Variants in FGF14 observed in about 807,000 individuals in gnomAD.
FGF14 encodes fibroblast growth factor homologous factor 4.
Under a neutral mutation model 25.5 loss-of-function variants are expected in FGF14, and 5 were observed. That is an observed-to-expected ratio of 0.20 (90% confidence interval 0.10 to 0.41). FGF14 has a LOEUF of 0.41. Ranked by LOEUF, FGF14 falls within the 10% of genes least tolerant of loss-of-function variation. The pLI is 1.00. For missense variants in FGF14, 222 were observed against 320.1 expected (o/e 0.69, Z 2.34); for synonymous variants, 138 against 118.3 (o/e 1.17, Z -1.08).
intron 3 of FGF14, among the ~76,000 whole-genome samples, chr13:101,803,018 C>T (rs2040974406): frequency 6.6e-6 from 1 of 151,876 alleles, no homozygotes; most frequent in Non-Finnish European, 1.5e-5. Flanking sequence ...TGTCTTGTTT[C>T]TGTATATAGT....
intron 1 of FGF14, among the ~76,000 whole-genome samples, chr13:102,305,599 TAAATAC>T (rs960034853): frequency 1.5e-4 from 23 of 152,298 alleles, no homozygotes; most frequent in Admixed American, 7.8e-4. Flanking sequence ...CTTCCTTATA[TAAATAC>T]AAGTTTGCTA....
At chr13:102,367,121 TC>T (rs1401620454) in intron 1 of FGF14, 2 of 152,232 alleles carry the variant, frequency 1.3e-5, no homozygotes, top group African/African-American at 2.4e-5. Context: ...ATTTATCATT[TC>T]ACACAATTTC....
At chr13:101,999,864 T>G (rs1386936829) in intron 1 of FGF14, among the ~76,000 whole-genome samples, 1 of 152,184 alleles carries the variant, frequency 6.6e-6, no homozygotes, top group Non-Finnish European at 1.5e-5. Context: ...TCTTCTCTAT[T>G]TCTGCCACTA....
intron 3 of FGF14, among the ~76,000 whole-genome samples, chr13:101,783,409 G>A (rs1048597577): frequency 2.6e-5 from 4 of 151,486 alleles, no homozygotes; most frequent in African/African-American, 4.9e-5. Flanking sequence ...GGCGGAGATT[G>A]CAGTGAGCTG....
intron 1 of FGF14, among the ~76,000 whole-genome samples, chr13:102,001,898 G>T (rs914500183): frequency 6.6e-6 from 1 of 152,172 alleles, no homozygotes. Flanking sequence ...TTAGGTGGCA[G>T]GTGGGAACCA....
chr13:101,943,826 A>ATATATATATATATATATAT (rs1248619839), intron 1 of FGF14, among the ~76,000 whole-genome samples: 27 of 126,790 alleles, frequency 2.1e-4, no homozygotes, highest in African/African-American at 8.6e-4. Context: ...AAAAAAAAAA[A>ATATATATATATATATATAT]ATATATATAT....
chr13:101,810,040 GC>G (rs1440009290), intron 3 of FGF14, among the ~76,000 whole-genome samples: 30 of 152,124 alleles, frequency 2.0e-4, no homozygotes, highest in African/African-American at 7.2e-4. Flanking sequence ...CAGATTAGTA[GC>G]TTTTAGTCAG....
At chr13:101,886,221 T>C (rs1011520867) in intron 1 of FGF14, among the ~76,000 whole-genome samples, 4 of 152,226 alleles carry the variant, frequency 2.6e-5, no homozygotes, top group Non-Finnish European at 5.9e-5. Context: ...TGATCATCCT[T>C]TAGAAGTAAC....
intron 3 of FGF14, among the ~76,000 whole-genome samples, chr13:101,797,781 G>GTGTA (rs975518450): frequency 2.6e-5 from 4 of 151,056 alleles, no homozygotes; most frequent in African/African-American, 9.8e-5. Context: ...GTGTGTGTGT[G>GTGTA]TTCAACCTCA....
At chr13:101,919,117 G>T (rs1259431446), upstream of FGF14, among the ~76,000 whole-genome samples, 2 of 152,104 alleles carry the variant, frequency 1.3e-5, no homozygotes, top group Non-Finnish European at 2.9e-5. Context: ...TCTATAGAGA[G>T]ATGAAAATAA....
chr13:101,768,834 A>C (rs2038574281), intron 3 of FGF14, among the ~76,000 whole-genome samples: 1 of 152,186 alleles, frequency 6.6e-6, no homozygotes, highest in South Asian at 2.1e-4. Flanking sequence ...GATCACGTAA[A>C]TAAATGTAAA....
At chr13:102,141,137 T>C (rs2140456436) in intron 1 of FGF14, among the ~76,000 whole-genome samples, 3 of 152,308 alleles carry the variant, frequency 2.0e-5, no homozygotes, top group Admixed American at 2.0e-4. Context: ...TCAGCACTAG[T>C]TTCAGAAATC....
At chr13:102,177,132 T>C (rs1379722666) in intron 1 of FGF14, among the ~76,000 whole-genome samples, 1 of 152,304 alleles carries the variant, frequency 6.6e-6, no homozygotes, top group East Asian at 1.9e-4. Context: ...ACACGTTCAT[T>C]GATGCTTACA....
At chr13:102,396,234 C>G (rs759316761) in intron 1 of FGF14, among the ~76,000 whole-genome samples, 3 of 152,114 alleles carry the variant, frequency 2.0e-5, no homozygotes, top group Non-Finnish European at 4.4e-5. Flanking sequence ...CACAGTCCCT[C>G]CTGGAGGTAA....
chr13:102,373,202 T>C (rs9300736), intron 1 of FGF14, among the ~76,000 whole-genome samples: 44,975 of 151,764 alleles, frequency 0.3, 7,079 homozygotes, highest in African/African-American at 0.4. Flanking sequence ...TGGCGCTTCC[T>C]CTGAAAATTC....
intron 3 of FGF14, among the ~76,000 whole-genome samples, chr13:101,732,527 T>C (rs1212114725): frequency 6.6e-6 from 1 of 152,208 alleles, no homozygotes; most frequent in Non-Finnish European, 1.5e-5. Context: ...AGCTCAATAA[T>C]GACCCTCATC....
chr13:102,397,021 G>C (rs1351691295), intron 1 of FGF14, among the ~76,000 whole-genome samples: 5 of 152,182 alleles, frequency 3.3e-5, no homozygotes, highest in Admixed American at 6.5e-5. Context: ...CGTGCAGTCT[G>C]AATTTGATGT....
At chr13:102,060,083 G>A (rs770951339) in intron 1 of FGF14, among the ~76,000 whole-genome samples, 2 of 152,022 alleles carry the variant, frequency 1.3e-5, no homozygotes, top group Non-Finnish European at 2.9e-5. Flanking sequence ...AGGAAATGCT[G>A]ATTGGAGCAT....
chr13:101,871,663 A>G (rs1300274632), intron 2 of FGF14, among the ~76,000 whole-genome samples: 1 of 152,010 alleles, frequency 6.6e-6, no homozygotes, highest in African/African-American at 2.4e-5. Context: ...CACAGAAAAA[A>G]TCCATGGCAT....
Sources: allele counts gnomAD v4.1 joint callset (sites outside exome capture counted in the v4.1 genomes callset), GRCh38; gene constraint gnomAD v4.1.1; transcripts MANE v1.5; gene names NCBI Gene and HGNC (gene_info 2026-07-23, HGNC 2026-07-21).